Variants in APBA1 observed in about 807,000 individuals in gnomAD.
The protein encoded by APBA1 is amyloid beta precursor protein binding family A member 1.
A neutral mutation model predicts 86.6 loss-of-function variants in APBA1; 55 were observed. The ratio of observed to expected loss-of-function variants is 0.64; its 90% CI spans 0.51 to 0.80. APBA1 has a LOEUF of 0.80. APBA1 is among the 30% of genes least tolerant of loss of function. The pLI is 0.00. For synonymous variants in APBA1, 511 were observed against 493.9 expected (o/e 1.03, Z -0.46); for missense variants, 1,090 against 1,183.0 (o/e 0.92, Z 1.15).
chr9:69,609,349 C>T (rs139213374), intron 1 of APBA1, among the ~76,000 whole-genome samples: 200 of 152,248 alleles, frequency 1.3e-3, no homozygotes, highest in African/African-American at 4.6e-3. Flanking sequence ...TGCACAAAGG[C>T]CATACACAAA....
At chr9:69,597,668 C>T (rs922260116) in intron 1 of APBA1, among the ~76,000 whole-genome samples, 3 of 152,142 alleles carry the variant, frequency 2.0e-5, no homozygotes, top group African/African-American at 7.2e-5. Flanking sequence ...AGTCTTTAAT[C>T]CATCTTGAAT....
chr9:69,626,605 T>C (rs114736974), intron 1 of APBA1, among the ~76,000 whole-genome samples: 2,089 of 152,232 alleles, frequency 0.014, 49 homozygotes, highest in African/African-American at 0.048. Context: ...AAACAAAACA[T>C]GCTGCCCCCT....
chr9:69,486,862 CTTCTTTTCT>C (rs1835618935), intron 2 of APBA1, among the ~76,000 whole-genome samples: 1 of 104,612 alleles, frequency 9.6e-6, no homozygotes, highest in Admixed American at 1.1e-4. Flanking sequence ...TTTTTTTTTT[CTTCTTTTCT>C]TTTTTTTTTC....
chr9:69,440,549 A>T (rs1193728311), intron 11 of APBA1, among the ~76,000 whole-genome samples: 2 of 152,058 alleles, frequency 1.3e-5, no homozygotes, highest in African/African-American at 4.8e-5. Flanking sequence ...GCTAGCAATG[A>T]GTGAGGCTCC....
chr9:69,618,904 C>G (rs886823676), intron 1 of APBA1, among the ~76,000 whole-genome samples: 2 of 152,206 alleles, frequency 1.3e-5, no homozygotes, highest in South Asian at 4.1e-4. Flanking sequence ...AGGTCTAAGT[C>G]TCTCAACTTT....
intron 10 of APBA1, among the ~76,000 whole-genome samples, chr9:69,445,832 C>A (rs1044940187): frequency 3.3e-5 from 5 of 152,202 alleles, no homozygotes; most frequent in African/African-American, 9.7e-5. Context: ...GCAGAATGCA[C>A]ACTTTGGATC....
chr9:69,445,346 C>A (rs1009485681), intron 10 of APBA1, among the ~76,000 whole-genome samples: 1 of 152,152 alleles, frequency 6.6e-6, no homozygotes, highest in Non-Finnish European at 1.5e-5. Flanking sequence ...TGTTCCTAAT[C>A]AATGTTTCAT....
intron 1 of APBA1, among the ~76,000 whole-genome samples, chr9:69,618,077 CTGAATAGTGT>C (rs1822739923): frequency 6.6e-6 from 1 of 152,180 alleles, no homozygotes; most frequent in Non-Finnish European, 1.5e-5. Context: ...AGTACCATGA[CTGAATAGTGT>C]TGTTTGCCTC....
intron 1 of APBA1, among the ~76,000 whole-genome samples, chr9:69,645,579 A>C (rs1428362835): frequency 2.0e-5 from 3 of 152,134 alleles, no homozygotes; most frequent in African/African-American, 4.8e-5. Flanking sequence ...GCTGAGGGAG[A>C]AGTGAGCTCT....
At chr9:69,503,098 T>C (rs1234275566) in intron 2 of APBA1, among the ~76,000 whole-genome samples, 2 of 152,166 alleles carry the variant, frequency 1.3e-5, no homozygotes, top group Non-Finnish European at 2.9e-5. Flanking sequence ...ACATAGTTAA[T>C]AAAGCAGTTG....
In APBA1 at chr9:69,538,075, A is replaced by G. The variant is rs1341803656; in HGVS notation, c.-69-20796T>C. 3.3e-5 allele frequency among the ~76,000 whole-genome samples: 5 copies of G among 152,154 alleles called. 1 individual carries two copies. The highest frequency in any genetic ancestry group is 7.4e-5 in the Non-Finnish European group (5 of 67,992). ...TGGAGCCTTGAAAAAAAAATGCACTAAAAGACTTGCTATAATAGTTTTTAT... is the reference window on the plus strand; with the variant it reads ...TGGAGCCTTGAAAAAAAAATGCACTGAAAGACTTGCTATAATAGTTTTTAT... On this transcript the variant is annotated intron_variant, in intron 1 of 12. Coordinates refer to ENST00000265381, the MANE Select transcript of APBA1 (RefSeq NM_001163.4).
intron 1 of APBA1, among the ~76,000 whole-genome samples, chr9:69,601,677 A>G (rs1458586187): frequency 6.6e-6 from 1 of 152,240 alleles, no homozygotes; most frequent in Non-Finnish European, 1.5e-5. Context: ...AGTTGGAAAG[A>G]TTGGAACCGA....
chr9:69,517,257 C>A lies in APBA1; in HGVS notation c.-47G>T, dbSNP rs113814202. 101 of 1,419,838 alleles carry A rather than the reference C, an allele frequency of 7.1e-5. No individual in the cohort carries two copies. The African/African-American group carries it at 9.7e-4, about 14-fold the overall frequency. 88.0% of individuals were successfully genotyped at this position (1,419,838 alleles called of 1,614,324 possible). ...GAGAGAAGCTGGGCCCGGCTCACTGCGCTCTCATTTTGCTCCACTGGGCTG... is the reference window on the plus strand; with the variant it reads ...GAGAGAAGCTGGGCCCGGCTCACTGAGCTCTCATTTTGCTCCACTGGGCTG... On this transcript the variant is annotated 5_prime_UTR_variant, in exon 2 of 13. Transcript: ENST00000265381.
At chr9:69,472,321 G>A (rs1006501138) in intron 3 of APBA1, 1 of 152,422 alleles carries the variant, frequency 6.6e-6, no homozygotes, top group African/African-American at 2.4e-5. Flanking sequence ...TCACAGCACT[G>A]TTGGAAGCAG....
intron 1 of APBA1, among the ~76,000 whole-genome samples, chr9:69,655,283 T>G (rs1000781957): frequency 6.6e-6 from 1 of 152,170 alleles, no homozygotes; most frequent in African/African-American, 2.4e-5. Context: ...CTGGCAGATA[T>G]GAATATATAT....
chr9:69,495,205 CCT>C (rs1286404429), intron 2 of APBA1, among the ~76,000 whole-genome samples: 1 of 152,102 alleles, frequency 6.6e-6, no homozygotes, highest in Non-Finnish European at 1.5e-5. Context: ...GCACACTCCC[CCT>C]CTCTATTCTT....
chr9:69,551,782 T>C (rs776167280), intron 1 of APBA1, among the ~76,000 whole-genome samples: 2 of 152,210 alleles, frequency 1.3e-5, no homozygotes, highest in Non-Finnish European at 2.9e-5. Flanking sequence ...ATGAAATCTC[T>C]ATCAGTGCAA....
At chr9:69,669,492 AAGG>A (rs1296103142) in intron 1 of APBA1, among the ~76,000 whole-genome samples, 2 of 152,198 alleles carry the variant, frequency 1.3e-5, no homozygotes, top group East Asian at 3.8e-4. Context: ...GCCACAGCAA[AAGG>A]TACCACCATT....
intron 11 of APBA1, 98 bp downstream of exon 11, chr9:69,440,898 G>A (rs1479492220): frequency 2.8e-6 from 4 of 1,437,042 alleles, no homozygotes; most frequent in Non-Finnish European, 3.8e-6. Context: ...GTAGACTGGA[G>A]CTGTTCCTAT....
Sources: gnomAD v4.1 joint callset for allele counts (sites outside exome capture counted in the v4.1 genomes callset) on GRCh38, gnomAD v4.1.1 for gene constraint, MANE v1.5 for transcripts, NCBI Gene and HGNC (gene_info 2026-07-23, HGNC 2026-07-21) for gene names.